Variants in CCDC86 observed in about 807,000 individuals in gnomAD.
The protein encoded by CCDC86 is coiled-coil domain-containing protein 86.
A neutral mutation model predicts 36.7 loss-of-function variants in CCDC86; 28 were observed. The observed-to-expected ratio is 0.76, with a 90% CI of 0.57 to 1.05. The LOEUF (loss-of-function observed/expected upper bound fraction) is 1.05, where lower values mean the gene tolerates loss of function less well. Among genes scored for constraint, CCDC86 ranks in the 50% least tolerant of loss-of-function variants. The probability of loss-of-function intolerance (pLI) is 0.00; values close to 1 mark genes in which losing one functional copy is unlikely to be tolerated. For missense variants in CCDC86, 453 were observed against 470.2 expected, an observed-to-expected ratio of 0.96 and a Z score of 0.34; for synonymous variants, 199 against 203.4, an observed-to-expected ratio of 0.98 and a Z score of 0.18.
intron 1 of CCDC86, among the ~76,000 whole-genome samples, chr11:60,845,419 G>T (rs1201679086): frequency 6.6e-6 from 1 of 152,226 alleles, no homozygotes; most frequent in Non-Finnish European, 1.5e-5. Context: ...AACCCACAAG[G>T]AGGCTGTCTC....
At position 60,842,500 on chromosome 11, in the gene CCDC86, A is replaced by C; in HGVS notation, c.376A>C (p.Lys126Gln). 6.2e-7 allele frequency: 1 copy of C among 1,613,686 alleles called. No individual in the cohort carries two copies. Among genetic ancestry groups the C allele is most frequent in the Non-Finnish European group, 8.5e-7 (1 of 1,179,854 alleles). Residue 126 changes from lysine (K) to glutamine (Q), a missense_variant, in exon 1 of 4, where the codon AAG (lysine) becomes CAG (glutamine). Coordinates refer to ENST00000227520, the MANE Select transcript of CCDC86 (RefSeq NM_024098.4). Reference protein sequence around the residue: ...CQPKPSEEAPKCSQDQGVLAS... With the variant: ...CQPKPSEEAPQCSQDQGVLAS... ...GCCGAAGCCAAGTGAGGAGGCACCA[A>C]AGTGTTCTCAGGACCAGGGAGTACT...
rs758865357 is a variant in CCDC86 at position 60,842,866 on chromosome 11, G to A, written c.742G>A (p.Asp248Asn). 5 of 1,569,054 alleles carry A rather than the reference G, an allele frequency of 3.2e-6. No homozygotes were observed. Among genetic ancestry groups the A allele is most frequent in the Middle Eastern group, 1.7e-4 (1 of 5,836 alleles). Reference sequence around the variant, plus strand: ...GCCCAAATCGGGGCGAGTGTGGAAGGACCGCTCCAAGAAAAGGTGAAGTGG... The same window carrying A: ...GCCCAAATCGGGGCGAGTGTGGAAGAACCGCTCCAAGAAAAGGTGAAGTGG... ...GKPKSGRVWK[D>N]RSKKRFSQML... Residue 248 changes from aspartate to asparagine, a missense_variant, in exon 1 of 4, where the codon GAC becomes AAC. Transcript: ENST00000227520.
chr11:60,850,391 C>T lies in CCDC86; in HGVS notation c.*66C>T. ...TCAGACACAGCACCTCAGGCCGCTG[C>T]TCAGATGCCTCTGCTGGAGCTGGCA... On this transcript the variant is annotated 3_prime_UTR_variant, in exon 4 of 4. Coordinates refer to ENST00000227520, the MANE Select transcript of CCDC86 (RefSeq NM_024098.4). 1 of 1,564,692 alleles carries T rather than the reference C, an allele frequency of 6.4e-7. No homozygotes were observed. Among genetic ancestry groups the T allele is most frequent in the East Asian group, 2.3e-5 (1 of 43,862 alleles).
chr11:60,844,539 C>T (rs1353417644), intron 1 of CCDC86, among the ~76,000 whole-genome samples: 3 of 152,334 alleles, frequency 2.0e-5, no homozygotes, highest in Admixed American at 6.5e-5. Context: ...TGGCCAGTCC[C>T]CCACTCATGT....
At position 60,842,864 on chromosome 11, in the gene CCDC86, A is replaced by G; in HGVS notation, c.740A>G (p.Lys247Arg). The G allele has an allele frequency of 6.4e-7, 1 of 1,571,012 alleles. No individual in the cohort carries two copies. Among genetic ancestry groups the G allele is most frequent in the Non-Finnish European group, 8.6e-7 (1 of 1,156,968 alleles). Residue 247 changes from lysine (K) to arginine (R), a missense_variant, in exon 1 of 4, where the codon AAG becomes AGG. Coordinates refer to ENST00000227520, the MANE Select transcript of CCDC86 (RefSeq NM_024098.4). ...AAGCCCAAATCGGGGCGAGTGTGGA[A>G]GGACCGCTCCAAGAAAAGGTGAAGT... The part of the protein sequence containing the change: ...KGKPKSGRVW[K>R]DRSKKRFSQM...
Position 60,850,026 on chromosome 11 carries a change from GT to G in CCDC86, c.963+16del. 2 of 1,613,878 alleles carry G rather than the reference GT, an allele frequency of 1.2e-6. No individual in the cohort carries two copies. Among genetic ancestry groups the G allele is most frequent in the Non-Finnish European group, 1.7e-6 (2 of 1,179,886 alleles). On this transcript the variant is annotated intron_variant, in intron 3 of 3. Transcript: ENST00000227520. Reference sequence around the variant, plus strand: ...AGGTCGTCCAAGTGGTGAGTGTCTCGTTTTCCCCCTCTGCCCTTCTGCCCCA... The same window carrying G: ...AGGTCGTCCAAGTGGTGAGTGTCTCGTTTCCCCCTCTGCCCTTCTGCCCCA...
At chr11:60,847,898 G>A (rs201185952) in intron 1 of CCDC86, 26 bp from the exon 2 acceptor site, 2 of 1,601,592 alleles carry the variant, frequency 1.2e-6, no homozygotes, top group African/African-American at 1.3e-5. Context: ...CACAGACCCT[G>A]TATGCACCCA....
chr11:60,850,369 G>A lies in CCDC86; in HGVS notation c.*44G>A. ...CCTTCCATGGCCAACAACCATGTCA[G>A]ACACAGCACCTCAGGCCGCTGCTCA... On this transcript the variant is annotated 3_prime_UTR_variant, in exon 4 of 4. Transcript: ENST00000227520. 3 of 1,604,500 alleles carry A rather than the reference G, an allele frequency of 1.9e-6. No homozygotes were observed. The highest frequency in any genetic ancestry group is 2.6e-6 in the Non-Finnish European group (3 of 1,173,034).
chr11:60,850,449 C>G lies in CCDC86; in HGVS notation c.*124C>G. The G allele has an allele frequency of 1.5e-6, 2 of 1,306,198 alleles. No homozygotes were observed. Among genetic ancestry groups the G allele is most frequent in the South Asian group, 1.5e-5 (1 of 65,924 alleles). 80.9% of individuals were successfully genotyped at this position (1,306,198 alleles called of 1,614,324 possible). A position where few individuals can be genotyped will look rare whatever the true frequency, so the allele number is the denominator to read the frequency against. On this transcript the variant is annotated 3_prime_UTR_variant, in exon 4 of 4. Coordinates refer to ENST00000227520, the MANE Select transcript of CCDC86 (RefSeq NM_024098.4). ...CCCATGGCTCCAGAACAGGGACCCC[C>G]ACCCCGACCGGGGCTCCTCGGCCTT...
At position 60,842,696 on chromosome 11, in the gene CCDC86, G is replaced by T. The variant is rs767695355; in HGVS notation, c.572G>T (p.Gly191Val). 6.2e-7 allele frequency: 1 copy of T among 1,613,948 alleles called. No individual in the cohort carries two copies. Among genetic ancestry groups the T allele is most frequent in the Non-Finnish European group, 8.5e-7 (1 of 1,179,980 alleles). ...CCCAGGGCACCTGGCTCCCCCCGGG[G>T]TCAGCATGAGCCGAGCAAGCCACCT... is the stretch of plus-strand genomic sequence containing the variant. ...LTPRAPGSPR[G>V]QHEPSKPPPA... The change falls in exon 1 of 4, where the codon GGT becomes GTT. Residue 191 changes from glycine (G) to valine (V), a missense_variant. Physicochemically the swap from Gly to Val is moderately radical, Grantham distance 109. Transcript: ENST00000227520.
chr11:60,848,104 C>G lies in CCDC86; in HGVS notation c.888+51C>G, dbSNP rs75840673. ...GGGGCTCAGAGGACTAAGCTAGTGT[C>G]TACTGGTACAGACCTGAGGCGAGGG... On this transcript the variant is annotated intron_variant, in intron 2 of 3. Coordinates refer to ENST00000227520, the MANE Select transcript of CCDC86 (RefSeq NM_024098.4). The G allele has an allele frequency of 7.2e-3, 11,435 of 1,596,818 alleles. 687 individuals are homozygous for G. The African/African-American group carries it at 0.13, about 19-fold the overall frequency.
At chr11:60,845,501 A>G (rs930544546) in intron 1 of CCDC86, among the ~76,000 whole-genome samples, 1 of 152,142 alleles carries the variant, frequency 6.6e-6, no homozygotes, top group African/African-American at 2.4e-5. Flanking sequence ...CACTGAATGG[A>G]TGTTTGGGAT....
intron 1 of CCDC86, among the ~76,000 whole-genome samples, chr11:60,847,228 C>T (rs1169229922): frequency 6.6e-6 from 1 of 152,128 alleles, no homozygotes; most frequent in Non-Finnish European, 1.5e-5. Context: ...GGACTATAGG[C>T]ATACACCATC....
Position 60,842,818 on chromosome 11 carries a change from C to A in CCDC86, c.694C>A (p.Leu232Ile). Residue 232 changes from leucine to isoleucine, a missense_variant, in exon 1 of 4, where the codon CTT becomes ATT. Coordinates refer to ENST00000227520, the MANE Select transcript of CCDC86 (RefSeq NM_024098.4). ...PASKKLNKEE[L>I]PVIPKGKPKS... Reference sequence around the variant, plus strand: ...GTCCAAGAAGTTGAATAAAGAGGAGCTTCCTGTAATCCCGAAGGGGAAGCC... The same window carrying A: ...GTCCAAGAAGTTGAATAAAGAGGAGATTCCTGTAATCCCGAAGGGGAAGCC... The A allele has an allele frequency of 6.2e-7, 1 of 1,605,386 alleles. No individual in the cohort carries two copies. Among genetic ancestry groups the A allele is most frequent in the Non-Finnish European group, 8.5e-7 (1 of 1,174,538 alleles).
At chr11:60,847,725 A>G (rs1453445468) in intron 1 of CCDC86, 199 bp from the exon 2 acceptor site, 3 of 542,864 alleles carry the variant, frequency 5.5e-6, no homozygotes, top group Non-Finnish European at 9.5e-6. Flanking sequence ...CCAAGGCTTG[A>G]GAAATGGCAG....
rs542028164 is a variant in CCDC86, at chr11:60,850,266, C to A, written c.1024C>A (p.Arg342=). The change falls in exon 4 of 4, where the codon CGG becomes AGG. Residue 342 remains arginine, a synonymous_variant. Coordinates refer to ENST00000227520, the MANE Select transcript of CCDC86 (RefSeq NM_024098.4). The part of the protein sequence containing the change: ...KKKQLRSIEK[R]DTLALLQKQP... ...GAAGCAGCTGCGCTCCATTGAGAAG[C>A]GGGACACCCTGGCCCTGCTGCAGAA... is the stretch of plus-strand genomic sequence containing the variant. The A allele has an allele frequency of 3.7e-6, 6 of 1,614,202 alleles. No homozygotes were observed. In the East Asian group the frequency reaches 1.3e-4, roughly 36 times the overall value.
At position 60,842,803 on chromosome 11, in the gene CCDC86, T is replaced by G. The variant is rs543478744; in HGVS notation, c.679T>G (p.Leu227Val). 5.6e-6 allele frequency: 9 copies of G among 1,610,224 alleles called. No homozygotes were observed. In the South Asian group the frequency reaches 7.7e-5, roughly 14 times the overall value. ...ATCCCAGGCCCCAGCGTCCAAGAAG[T>G]TGAATAAAGAGGAGCTTCCTGTAAT... Reference protein sequence around the residue: ...SSSQAPASKKLNKEELPVIPK... With the variant: ...SSSQAPASKKVNKEELPVIPK... Residue 227 changes from leucine to valine, a missense_variant, in exon 1 of 4, where the codon TTG becomes GTG. Coordinates refer to ENST00000227520, the MANE Select transcript of CCDC86 (RefSeq NM_024098.4).
intron 2 of CCDC86, 57 bp from the exon 3 acceptor site, chr11:60,849,883 A>G: frequency 6.8e-7 from 1 of 1,461,952 alleles, no homozygotes; most frequent in Non-Finnish European, 9.5e-7. Context: ...CTGGGGCCTG[A>G]GAGACCAGGG....
intron 1 of CCDC86, among the ~76,000 whole-genome samples, chr11:60,844,500 T>G (rs1205698782): frequency 6.6e-6 from 1 of 152,188 alleles, no homozygotes; most frequent in Admixed American, 6.5e-5. Flanking sequence ...TCACACGTGC[T>G]GTTCCCACTG....
Sources: allele counts gnomAD v4.1 joint callset (sites outside exome capture counted in the v4.1 genomes callset), GRCh38; gene constraint gnomAD v4.1.1; transcripts MANE v1.5; gene names NCBI Gene and HGNC (gene_info 2026-07-23, HGNC 2026-07-21).